OPN5: variants seen among roughly 807,000 people sequenced by gnomAD.
OPN5 encodes opsin-5.
In OPN5, 18 loss-of-function variants were observed where a neutral mutation model predicts 41.7. The observed-to-expected ratio is 0.43, with a 90% CI of 0.30 to 0.64. The LOEUF (loss-of-function observed/expected upper bound fraction) is 0.64, where lower values mean the gene tolerates loss of function less well. OPN5 is among the 30% of genes least tolerant of loss of function. The probability of loss-of-function intolerance (pLI) is 0.13; values close to 1 mark genes in which losing one functional copy is unlikely to be tolerated. For synonymous variants in OPN5, 178 were observed against 164.3 expected, an observed-to-expected ratio of 1.08 and a Z score of -0.64; for missense variants, 318 against 434.5, an observed-to-expected ratio of 0.73 and a Z score of 2.38.
chr6:47,792,044 T>A, intron 3 of OPN5, 72 bp downstream of exon 3: 2 of 1,034,096 alleles, frequency 1.9e-6, no homozygotes, highest in Non-Finnish European at 2.9e-6. Context: ...GTACATATTT[T>A]ATGCAGGTAA....
chr6:47,823,974 T>C lies in OPN5; in HGVS notation c.1057-9T>C. ...CTCACCCTAAAACTCAATTTTTTCT[T>C]CTCTACAGTGGGAATAACAAATGTT... On this transcript the variant is annotated splice_polypyrimidine_tract_variant and intron_variant, in intron 6 of 6. Coordinates refer to ENST00000371211, the Ensembl canonical transcript of OPN5. 1 of 1,550,102 alleles carries C rather than the reference T, an allele frequency of 6.5e-7. No individual in the cohort carries two copies. The highest frequency in any genetic ancestry group is 8.7e-7 in the Non-Finnish European group (1 of 1,145,550).
At chr6:47,808,474 T>A (rs1296617979) in intron 5 of OPN5, 79 bp downstream of exon 5, 2 of 1,504,920 alleles carry the variant, frequency 1.3e-6, no homozygotes, top group Non-Finnish European at 1.8e-6. Context: ...TCAGATGTGC[T>A]GTCTTCTTAG....
exon 7 of OPN5, chr6:47,824,164 T>C: frequency 3.3e-6 from 2 of 613,750 alleles, no homozygotes; most frequent in Non-Finnish European, 2.9e-6. Context: ...CCTAGGAGTA[T>C]CCAAGTATCT....
In OPN5 at chr6:47,799,586, G is replaced by A. The variant is rs920330839; in HGVS notation, c.756+4023G>A. Among the ~76,000 whole-genome samples, 48 of 152,150 alleles carry A rather than the reference G, an allele frequency of 3.2e-4. 2 individuals are homozygous for A. ...CTATAAGTCATCTTTAGGCTCATCA[G>A]CACTGTAAGCTACTTCCCCACCCTT... On this transcript the variant is annotated intron_variant, in intron 4 of 6. Coordinates refer to ENST00000371211, the Ensembl canonical transcript of OPN5.
At chr6:47,796,908 T>A (rs1831230) in intron 4 of OPN5, among the ~76,000 whole-genome samples, 3 of 152,272 alleles carry the variant, frequency 2.0e-5, no homozygotes, top group African/African-American at 4.8e-5. Flanking sequence ...TCCACATGGC[T>A]GAGGAGGCCT....
exon 5 of OPN5, chr6:47,808,233 G>A: frequency 1.2e-6 from 2 of 1,613,870 alleles, no homozygotes; most frequent in Non-Finnish European, 1.7e-6. Context: ...GCTTTTGGAA[G>A]GCCAGACTCC....
chr6:47,789,898 ATTTT>A (rs5876034), intron 2 of OPN5, among the ~76,000 whole-genome samples: 1 of 143,834 alleles, frequency 7.0e-6, no homozygotes. Flanking sequence ...TTCCTCAGTA[ATTTT>A]TTTTTTTTTT....
chr6:47,798,222 A>G (rs1773639389), intron 4 of OPN5, among the ~76,000 whole-genome samples: 1 of 152,106 alleles, frequency 6.6e-6, no homozygotes, highest in Non-Finnish European at 1.5e-5. Context: ...ACCTAAATAC[A>G]AACATCTCTA....
intron 4 of OPN5, among the ~76,000 whole-genome samples, chr6:47,801,946 G>A (rs539762436): frequency 2.0e-5 from 3 of 152,264 alleles, no homozygotes; most frequent in Non-Finnish European, 4.4e-5. Flanking sequence ...TTTTAAACTA[G>A]GAGTCAATCC....
chr6:47,820,490 C>T (rs960466532), intron 6 of OPN5, among the ~76,000 whole-genome samples: 2 of 152,172 alleles, frequency 1.3e-5, no homozygotes, highest in Non-Finnish European at 2.9e-5. Context: ...AGGTCTCTTA[C>T]AATAATTCTA....
At chr6:47,820,498 C>A (rs993148127) in intron 6 of OPN5, among the ~76,000 whole-genome samples, 9 of 152,196 alleles carry the variant, frequency 5.9e-5, no homozygotes, top group African/African-American at 2.2e-4. Flanking sequence ...TACAATAATT[C>A]TATTTCCTTG....
chr6:47,807,042 A>G (rs1023541698), intron 4 of OPN5, among the ~76,000 whole-genome samples: 1 of 152,160 alleles, frequency 6.6e-6, no homozygotes, highest in Non-Finnish European at 1.5e-5. Flanking sequence ...CTGTAATCCC[A>G]GCTACTTGGG....
chr6:47,824,113 G>T, exon 7 of OPN5: 1 of 754,830 alleles, frequency 1.3e-6, no homozygotes, highest in South Asian at 1.6e-5. Flanking sequence ...TACCCTGTCA[G>T]GAAAAAATAA....
chr6:47,792,796 A>C (rs1043358058), intron 3 of OPN5, among the ~76,000 whole-genome samples: 8 of 152,162 alleles, frequency 5.3e-5, no homozygotes, highest in Admixed American at 4.6e-4. Flanking sequence ...GATGGACGAC[A>C]GACTGTGGTG....
chr6:47,811,580 C>T (rs1774205493), intron 5 of OPN5, 94 bp from the exon 6 acceptor site: 5 of 593,222 alleles, frequency 8.4e-6, no homozygotes, highest in Non-Finnish European at 1.5e-5. Flanking sequence ...TCATAGTAGT[C>T]GTTTGACATA....
intron 4 of OPN5, among the ~76,000 whole-genome samples, chr6:47,799,494 A>T (rs1178054168): frequency 6.6e-6 from 1 of 152,002 alleles, no homozygotes; most frequent in Non-Finnish European, 1.5e-5. Context: ...CATTGCTGAG[A>T]TATTTAGGGT....
intron 6 of OPN5, among the ~76,000 whole-genome samples, chr6:47,812,854 C>T (rs931421361): frequency 7.2e-5 from 11 of 152,046 alleles, no homozygotes; most frequent in Non-Finnish European, 1.3e-4. Context: ...GAGGGTGGCC[C>T]CTCTCACACC....
intron 1 of OPN5, among the ~76,000 whole-genome samples, chr6:47,785,395 T>A (rs1773169545): frequency 6.6e-6 from 1 of 152,196 alleles, no homozygotes; most frequent in Non-Finnish European, 1.5e-5. Context: ...AGTCAGAATT[T>A]CCTAAGAGCA....
chr6:47,793,747 TG>T, intron 3 of OPN5: 1 of 905,638 alleles, frequency 1.1e-6, no homozygotes, highest in Non-Finnish European at 1.3e-6. Context: ...CTCCTGTACT[TG>T]ACAGCCTTTC....
Sources: allele counts gnomAD v4.1 joint callset (sites outside exome capture counted in the v4.1 genomes callset), GRCh38; gene constraint gnomAD v4.1.1; transcripts MANE v1.5; gene names NCBI Gene and HGNC (gene_info 2026-07-23, HGNC 2026-07-21).